Variants in GALNT13 observed in about 807,000 individuals in gnomAD.
The protein encoded by GALNT13 is polypeptide N-acetylgalactosaminyltransferase 13.
In GALNT13, 28 loss-of-function variants were observed where a neutral mutation model predicts 64.2. That is an observed-to-expected ratio of 0.44 (90% CI 0.32 to 0.60). The LOEUF (loss-of-function observed/expected upper bound fraction) is 0.60. GALNT13 is among the 20% of genes least tolerant of loss of function. GALNT13 has a pLI of 0.05. For missense variants in GALNT13, 577 were observed against 669.8 expected (o/e 0.86, Z 1.53); for synonymous variants, 214 against 224.6 (o/e 0.95, Z 0.42).
At chr2:154,229,781 T>TA (rs1233042128) in intron 4 of GALNT13, among the ~76,000 whole-genome samples, 1 of 152,054 alleles carries the variant, frequency 6.6e-6, no homozygotes, top group Non-Finnish European at 1.5e-5. Flanking sequence ...GAAACATTGA[T>TA]ATGTTCAACA....
the GALNT13 span, among the ~76,000 whole-genome samples, chr2:153,178,361 C>T: frequency 2.6e-5 from 4 of 152,252 alleles, no homozygotes; most frequent in Admixed American, 6.5e-5. Flanking sequence ...CATATCTTAG[C>T]GAACACGTTT....
chr2:153,614,814 T>C, the GALNT13 span, among the ~76,000 whole-genome samples: 3 of 152,214 alleles, frequency 2.0e-5, no homozygotes, highest in Admixed American at 2.0e-4. Flanking sequence ...AGGCATGCAA[T>C]ATAAAATAAG....
chr2:154,058,623 C>T (rs904663807), intron 3 of GALNT13, among the ~76,000 whole-genome samples: 8 of 152,056 alleles, frequency 5.3e-5, no homozygotes, highest in East Asian at 1.9e-4. Context: ...TTGGGAAGTT[C>T]GCATTCTAGG....
At chr2:153,859,478 T>G in the GALNT13 span, among the ~76,000 whole-genome samples, 1 of 152,168 alleles carries the variant, frequency 6.6e-6, no homozygotes, top group African/African-American at 2.4e-5. Context: ...CCTTACTTAC[T>G]TCATACCTTT....
chr2:153,209,061 C>A, the GALNT13 span, among the ~76,000 whole-genome samples: 1 of 138,712 alleles, frequency 7.2e-6, no homozygotes, highest in East Asian at 2.4e-4. Context: ...TCACTGCAAA[C>A]TCTGCCTCCC....
intron 7 of GALNT13, among the ~76,000 whole-genome samples, chr2:154,248,683 A>G (rs755432152): frequency 3.3e-5 from 5 of 152,152 alleles, no homozygotes; most frequent in Non-Finnish European, 5.9e-5. Context: ...AGATCTTGCT[A>G]CAATGGACCA....
the GALNT13 span, among the ~76,000 whole-genome samples, chr2:153,604,255 C>T: frequency 2.0e-5 from 3 of 152,158 alleles, no homozygotes; most frequent in East Asian, 1.9e-4. Context: ...GTGATTTCAA[C>T]CATACAGTAT....
At chr2:153,685,324 TCTG>T in the GALNT13 span, among the ~76,000 whole-genome samples, 1 of 151,958 alleles carries the variant, frequency 6.6e-6, no homozygotes, top group Non-Finnish European at 1.5e-5. Flanking sequence ...CTCAACAGCA[TCTG>T]CTATCTTTTG....
chr2:153,136,443 C>T, the GALNT13 span, among the ~76,000 whole-genome samples: 43 of 152,074 alleles, frequency 2.8e-4, no homozygotes, highest in African/African-American at 1.0e-3. Context: ...GACTGGGAGG[C>T]AGGAGAGGAG....
chr2:153,805,355 C>T, the GALNT13 span, among the ~76,000 whole-genome samples: 2 of 151,780 alleles, frequency 1.3e-5, no homozygotes, highest in Non-Finnish European at 1.5e-5. Context: ...TAATAAAATA[C>T]TAAAGAAATT....
At chr2:154,021,530 G>C (rs1328379527) in intron 3 of GALNT13, among the ~76,000 whole-genome samples, 1 of 152,122 alleles carries the variant, frequency 6.6e-6, no homozygotes, top group African/African-American at 2.4e-5. Context: ...AAGAATGCTT[G>C]TGATTTTTGT....
the GALNT13 span, among the ~76,000 whole-genome samples, chr2:153,308,860 G>C: frequency 6.6e-6 from 1 of 152,060 alleles, no homozygotes; most frequent in African/African-American, 2.4e-5. Flanking sequence ...CCAGGAATTG[G>C]AATATGTTTA....
chr2:153,472,429 G>A, the GALNT13 span, among the ~76,000 whole-genome samples: 4 of 152,084 alleles, frequency 2.6e-5, no homozygotes, highest in African/African-American at 9.6e-5. Flanking sequence ...TCCCTTACAT[G>A]TGTTTGTCTG....
the GALNT13 span, among the ~76,000 whole-genome samples, chr2:153,390,166 A>G: frequency 6.6e-6 from 1 of 152,168 alleles, no homozygotes; most frequent in Admixed American, 6.6e-5. Flanking sequence ...TTGCAGGGAC[A>G]TGGATGAAGC....
At chr2:154,125,145 G>T (rs1020390146) in intron 3 of GALNT13, among the ~76,000 whole-genome samples, 2 of 152,080 alleles carry the variant, frequency 1.3e-5, no homozygotes, top group African/African-American at 4.8e-5. Context: ...GAACATTTTA[G>T]AACAGTGCCT....
the GALNT13 span, among the ~76,000 whole-genome samples, chr2:153,662,991 C>G: frequency 6.6e-6 from 1 of 152,152 alleles, no homozygotes; most frequent in Non-Finnish European, 1.5e-5. Context: ...TGCTCCCCAA[C>G]TCTTTTGTGA....
At chr2:153,262,414 T>G in the GALNT13 span, among the ~76,000 whole-genome samples, 6 of 152,058 alleles carry the variant, frequency 3.9e-5, no homozygotes, top group African/African-American at 1.4e-4. Flanking sequence ...TCCTAACAAC[T>G]CAAAAGGAGG....
chr2:153,498,610 C>T, the GALNT13 span, among the ~76,000 whole-genome samples: 1 of 152,166 alleles, frequency 6.6e-6, no homozygotes, highest in Non-Finnish European at 1.5e-5. Flanking sequence ...TGCGGGCACC[C>T]ACATCTGGAC....
chr2:153,329,494 T>C, the GALNT13 span, among the ~76,000 whole-genome samples: 1 of 152,180 alleles, frequency 6.6e-6, no homozygotes, highest in African/African-American at 2.4e-5. Flanking sequence ...TGGTATCTCA[T>C]TTTGGTTTTG....
Sources: allele counts gnomAD v4.1 joint callset (sites outside exome capture counted in the v4.1 genomes callset), GRCh38; gene constraint gnomAD v4.1.1; transcripts MANE v1.5; gene names NCBI Gene and HGNC (gene_info 2026-07-23, HGNC 2026-07-21).